The following CAVIN1 variants were observed in gnomAD, a reference collection of about 807,000 sequenced individuals.
The protein encoded by CAVIN1 is caveolae associated protein 1, also known as caveolae-associated protein 1.
CAVIN1 carries 16 observed loss-of-function variants against 24.0 expected under a neutral mutation model. The observed-to-expected ratio is 0.67, with a 90% CI of 0.45 to 1.01. The LOEUF is 1.01. Among genes scored for constraint, CAVIN1 ranks in the 50% least tolerant of loss-of-function variants. CAVIN1 has a pLI of 0.00. For synonymous variants in CAVIN1, 256 were observed against 256.4 expected, an observed-to-expected ratio of 1.00 and a Z score of 0.02; for missense variants, 510 against 551.7, an observed-to-expected ratio of 0.92 and a Z score of 0.76.
At chr17:42,412,389 C>CTTTTT in intron 1 of CAVIN1, 20 of 202,990 alleles carry the variant, frequency 9.9e-5, no homozygotes, top group Non-Finnish European at 1.4e-4. Flanking sequence ...AAATAAACCA[C>CTTTTT]TTTTTTTTTT....
intron 1 of CAVIN1, among the ~76,000 whole-genome samples, chr17:42,421,967 G>A (rs1351318046): frequency 1.3e-5 from 2 of 152,164 alleles, no homozygotes; most frequent in Non-Finnish European, 2.9e-5. Flanking sequence ...GGGTGAGGGT[G>A]TCCTCAAGGG....
At chr17:42,413,650 T>C (rs2085495188) in intron 1 of CAVIN1, among the ~76,000 whole-genome samples, 1 of 127,882 alleles carries the variant, frequency 7.8e-6, no homozygotes, top group East Asian at 2.7e-4. Context: ...CAAGAATTAA[T>C]AAACACAGCT....
At chr17:42,415,688 G>A (rs2085507547) in intron 1 of CAVIN1, among the ~76,000 whole-genome samples, 1 of 151,238 alleles carries the variant, frequency 6.6e-6, no homozygotes. Flanking sequence ...TTCCAGCCTG[G>A]GCAACAGAGT....
intron 1 of CAVIN1, among the ~76,000 whole-genome samples, chr17:42,416,841 T>C (rs1488989387): frequency 2.0e-5 from 3 of 152,112 alleles, no homozygotes; most frequent in South Asian, 2.1e-4. Flanking sequence ...GGGGTTCTTC[T>C]AGAGCAAGGT....
chr17:42,409,071 C>G (rs746824088), intron 1 of CAVIN1, among the ~76,000 whole-genome samples: 14 of 151,986 alleles, frequency 9.2e-5, no homozygotes, highest in Non-Finnish European at 1.6e-4. Context: ...GGATTACAGG[C>G]ACGAGCCACC....
intron 1 of CAVIN1, among the ~76,000 whole-genome samples, chr17:42,419,810 A>G (rs2145486843): frequency 6.6e-6 from 1 of 152,162 alleles, no homozygotes; most frequent in South Asian, 2.1e-4. Flanking sequence ...AATGCCAGAG[A>G]AGGGCAGTAA....
chr17:42,421,074 G>A (rs2085542289), intron 1 of CAVIN1, among the ~76,000 whole-genome samples: 2 of 152,152 alleles, frequency 1.3e-5, no homozygotes, highest in South Asian at 4.1e-4. Context: ...CTTAAGTAGG[G>A]GAAGTAAAGC....
At position 42,422,711 on chromosome 17, in the gene CAVIN1, C is replaced by T. The variant is rs150787538; in HGVS notation, c.387G>A (p.Glu129=). Residue 129 remains glutamate, a synonymous_variant, in exon 1 of 2, where the codon GAG becomes GAA. Coordinates refer to ENST00000357037, the MANE Select transcript of CAVIN1 (RefSeq NM_012232.6). ...GCTTCTTGATCTGCCCCGCCTGGCG[C>T]TCCAGGCTGCCGCGCACGGTCTTCA... is the stretch of plus-strand genomic sequence containing the variant. ...VNVKTVRGSL[E]RQAGQIKKLE... is the part of the protein sequence containing the mutation. The T allele has an allele frequency of 7.5e-6, 12 of 1,609,232 alleles. No homozygotes were observed. The African/African-American group carries it at 1.3e-4, about 18-fold the overall frequency.
intron 1 of CAVIN1, among the ~76,000 whole-genome samples, chr17:42,407,180 G>T (rs930245039): frequency 6.6e-6 from 1 of 152,060 alleles, no homozygotes; most frequent in African/African-American, 2.4e-5. Flanking sequence ...CAGAGAGCAG[G>T]GGAGGCTGAG....
At chr17:42,417,852 G>T (rs1199727676) in intron 1 of CAVIN1, among the ~76,000 whole-genome samples, 1 of 152,026 alleles carries the variant, frequency 6.6e-6, no homozygotes, top group Non-Finnish European at 1.5e-5. Flanking sequence ...TAGAGATGGG[G>T]TTTCACCATG....
intron 1 of CAVIN1, among the ~76,000 whole-genome samples, chr17:42,411,001 G>C (rs1168968999): frequency 2.0e-5 from 3 of 146,576 alleles, no homozygotes; most frequent in Non-Finnish European, 4.5e-5. Flanking sequence ...GATCACCTGA[G>C]GTCAGGAGTT....
In CAVIN1 at chr17:42,404,795, G is replaced by A. The variant is rs775627622; in HGVS notation, c.1065C>T (p.Arg355=). Residue 355 remains arginine, a synonymous_variant, in exon 2 of 2, where the codon CGC becomes CGT. Coordinates refer to ENST00000357037, the MANE Select transcript of CAVIN1 (RefSeq NM_012232.6). ...GADDDEGGAE[R]GEAGDLRRGS... Reference sequence around the variant, plus strand: ...CGCGCCGCAGGTCGCCGGCCTCCCCGCGCTCCGCGCCGCCCTCGTCGTCGT... The same window carrying A: ...CGCGCCGCAGGTCGCCGGCCTCCCCACGCTCCGCGCCGCCCTCGTCGTCGT... 2.2e-5 allele frequency: 35 copies of A among 1,603,202 alleles called. 2 individuals are homozygous for A. In the South Asian group the frequency reaches 3.9e-4, roughly 18 times the overall value.
rs369257793 is a variant in CAVIN1 at position 42,410,769 on chromosome 17, G to A, written c.472-5381C>T. ...TCTACTAAAAATACAAAAATTAGCT[G>A]GGTGTGGTGGCACGAGCCTGTAATC... is the stretch of plus-strand genomic sequence containing the variant. On this transcript the variant is annotated intron_variant, in intron 1 of 1. Coordinates refer to ENST00000357037, the MANE Select transcript of CAVIN1 (RefSeq NM_012232.6). Among the ~76,000 whole-genome samples the A allele has an allele frequency of 1.0e-3, 158 of 151,712 alleles. 1 individual carries two copies. Among genetic ancestry groups the A allele is most frequent in the African/African-American group, 3.7e-3 (155 of 41,348 alleles).
intron 1 of CAVIN1, among the ~76,000 whole-genome samples, chr17:42,419,329 T>A (rs1325207830): frequency 7.2e-6 from 1 of 139,228 alleles, no homozygotes; most frequent in Non-Finnish European, 1.6e-5. Flanking sequence ...TATTATTATT[T>A]TTGAGATGGA....
rs1175677389 is a variant in CAVIN1 at position 42,422,968 on chromosome 17, T to A, written c.130A>T (p.Ile44Phe). ...EPSGAGSEEL[I>F]KSDQVNGVLV... is the part of the protein sequence containing the mutation. ...ACGCCGTTCACCTGGTCCGACTTGA[T>A]CAGCTCTTCTGAGCCGGCCCCCGAC... The change falls in exon 1 of 2, where the codon ATC (isoleucine) becomes TTC (phenylalanine). Residue 44 changes from isoleucine to phenylalanine, a missense_variant. By Grantham distance (21) the Ile-to-Phe change is conservative. Transcript: ENST00000357037. The A allele has an allele frequency of 6.2e-7, 1 of 1,613,908 alleles. No homozygotes were observed. The highest frequency in any genetic ancestry group is 1.3e-5 in the African/African-American group (1 of 75,040).
At chr17:42,422,222 T>C (rs1356511087) in intron 1 of CAVIN1, among the ~76,000 whole-genome samples, 1 of 152,096 alleles carries the variant, frequency 6.6e-6, no homozygotes, top group African/African-American at 2.4e-5. Context: ...ACCCCAACGA[T>C]CGCGAGGGAC....
At chr17:42,411,045 T>C (rs2085473292) in intron 1 of CAVIN1, among the ~76,000 whole-genome samples, 1 of 150,088 alleles carries the variant, frequency 6.7e-6, no homozygotes, top group Non-Finnish European at 1.5e-5. Flanking sequence ...ATACAAAAAC[T>C]AGCTGGGTGT....
chr17:42,416,773 G>A (rs1345654572), intron 1 of CAVIN1, among the ~76,000 whole-genome samples: 1 of 152,070 alleles, frequency 6.6e-6, no homozygotes. Flanking sequence ...TGGCCGCTGG[G>A]TTTTAGGGAT....
chr17:42,422,186 C>T (rs1415458447), intron 1 of CAVIN1, among the ~76,000 whole-genome samples: 1 of 152,140 alleles, frequency 6.6e-6, no homozygotes, highest in Non-Finnish European at 1.5e-5. Context: ...GGCCCGGGCC[C>T]CGCAGCCAGT....
Sources: gnomAD v4.1 joint callset for allele counts (sites outside exome capture counted in the v4.1 genomes callset) on GRCh38, gnomAD v4.1.1 for gene constraint, MANE v1.5 for transcripts, NCBI Gene and HGNC (gene_info 2026-07-23, HGNC 2026-07-21) for gene names.